The following FGF13 variants were observed in gnomAD, a reference collection of about 807,000 sequenced individuals.
FGF13 encodes fibroblast growth factor 13.
A neutral mutation model predicts 19.5 loss-of-function variants in FGF13; 2 were observed. That is an observed-to-expected ratio of 0.10 (90% CI 0.04 to 0.32). The LOEUF is 0.32. Ranked by LOEUF, FGF13 falls within the 10% of genes least tolerant of loss-of-function variation. FGF13 has a pLI of 1.00. For missense variants in FGF13, 113 were observed against 192.7 expected (o/e 0.59, Z 2.45); for synonymous variants, 72 against 76.9 (o/e 0.94, Z 0.33).
At chrX:138,782,102 TCAA>T (rs1367202241) in intron 3 of FGF13, among the ~76,000 whole-genome samples, 1 of 111,773 alleles carries the variant, frequency 8.9e-6, no homozygotes. Context: ...TTGACAAAAT[TCAA>T]CAACCCTTCA....
At chrX:138,874,917 A>G (rs2091379322) in intron 1 of FGF13, among the ~76,000 whole-genome samples, 1 of 111,855 alleles carries the variant, frequency 8.9e-6, no homozygotes, top group African/African-American at 3.2e-5. Flanking sequence ...CTCTGTACTT[A>G]GCTTCATATT....
At chrX:139,117,006 G>A (rs1332856032) in intron 1 of FGF13, among the ~76,000 whole-genome samples, 1 of 111,316 alleles carries the variant, frequency 9.0e-6, no homozygotes, top group African/African-American at 3.3e-5. Context: ...TACTACTGAA[G>A]GGAAGCATAT....
intron 1 of FGF13, among the ~76,000 whole-genome samples, chrX:138,968,833 GAC>G (rs2091904748): frequency 8.9e-6 from 1 of 111,902 alleles, no homozygotes; most frequent in Non-Finnish European, 1.9e-5. Context: ...CATATGTAAA[GAC>G]AAAAAAGTTG....
At position 138,947,446 on chromosome X, in the gene FGF13, C is replaced by T. The variant is rs1223973992; in HGVS notation, c.-112-82796G>A. ...TAGCCCCTCTGAATCTTAATTTTCT[C>T]ATATGAAAATGGGGGTGTAAATATT... On this transcript the variant is annotated intron_variant, in intron 1 of 2. Coordinates refer to the FGF13 transcript ENST00000421460. 2.7e-5 allele frequency among the ~76,000 whole-genome samples: 3 copies of T among 111,291 alleles called. No individual in the cohort carries two copies. The East Asian group carries it at 8.5e-4, about 32-fold the overall frequency.
intron 3 of FGF13, among the ~76,000 whole-genome samples, chrX:138,659,458 T>C (rs1402996470): frequency 1.8e-5 from 2 of 112,322 alleles, no homozygotes; most frequent in East Asian, 5.6e-4. Flanking sequence ...ACACTGTTGG[T>C]GGGTGTGTAA....
chrX:138,956,636 T>C (rs1392313389), intron 1 of FGF13, among the ~76,000 whole-genome samples: 2 of 111,333 alleles, frequency 1.8e-5, no homozygotes, highest in Non-Finnish European at 3.8e-5. Flanking sequence ...ACCTAGATCA[T>C]GAGCTTTCAA....
chrX:138,962,185 G>T (rs1240262060), intron 1 of FGF13, among the ~76,000 whole-genome samples: 2 of 111,996 alleles, frequency 1.8e-5, no homozygotes, highest in African/African-American at 6.5e-5. Flanking sequence ...GTGGGCGAAG[G>T]ATATGAACAG....
At chrX:138,857,542 C>T in exon 3 of FGF13, 1 of 1,206,688 alleles carries the variant, frequency 8.3e-7, no homozygotes, top group Admixed American at 2.2e-5. Flanking sequence ...TTGTGGTGTA[C>T]TTGCTTCAGC....
chrX:138,819,183 T>G (rs911409365), intron 3 of FGF13, among the ~76,000 whole-genome samples: 2 of 111,798 alleles, frequency 1.8e-5, no homozygotes, highest in East Asian at 5.6e-4. Context: ...TTACTTCTTA[T>G]GTAGCCTTTT....
intron 1 of FGF13, among the ~76,000 whole-genome samples, chrX:139,091,992 A>G (rs1000811461): frequency 3.6e-5 from 4 of 110,964 alleles, no homozygotes; most frequent in African/African-American, 1.3e-4. Context: ...TAAATGCTGG[A>G]AAGAGAAGAG....
chrX:139,070,536 T>C (rs1038992705), intron 1 of FGF13, among the ~76,000 whole-genome samples: 4 of 112,019 alleles, frequency 3.6e-5, no homozygotes, highest in Non-Finnish European at 7.5e-5. Context: ...GGTGGGAGTG[T>C]AAATTAGTTC....
At chrX:138,664,987 A>G (rs745439868) in intron 3 of FGF13, among the ~76,000 whole-genome samples, 12 of 111,219 alleles carry the variant, frequency 1.1e-4, no homozygotes, top group Non-Finnish European at 1.9e-4. Context: ...GCTCGGTCCA[A>G]TGAGCTCTCT....
chrX:139,029,188 C>T (rs900336874), intron 1 of FGF13, among the ~76,000 whole-genome samples: 2 of 111,547 alleles, frequency 1.8e-5, no homozygotes, highest in South Asian at 3.7e-4. Context: ...GTGATTATTT[C>T]GAATTGAAAA....
At chrX:138,967,865 G>A (rs2091901139) in intron 1 of FGF13, among the ~76,000 whole-genome samples, 1 of 111,279 alleles carries the variant, frequency 9.0e-6, no homozygotes, top group Non-Finnish European at 1.9e-5. Context: ...CACTCAATTA[G>A]TATGTTTGTA....
intron 3 of FGF13, among the ~76,000 whole-genome samples, chrX:138,644,087 C>T (rs2089280252): frequency 9.0e-6 from 1 of 111,376 alleles, no homozygotes; most frequent in Non-Finnish European, 1.9e-5. Flanking sequence ...TTTTAAATAG[C>T]TGTTGCAAGC....
chrX:138,923,765 C>T (rs2091658459), intron 1 of FGF13, among the ~76,000 whole-genome samples: 1 of 111,928 alleles, frequency 8.9e-6, no homozygotes, highest in South Asian at 3.7e-4. Flanking sequence ...TTCTTCTTTC[C>T]TGTCTCTGGG....
At chrX:138,931,876 T>C (rs1040470364) in intron 1 of FGF13, among the ~76,000 whole-genome samples, 3 of 111,599 alleles carry the variant, frequency 2.7e-5, no homozygotes, top group African/African-American at 3.3e-5. Flanking sequence ...CAAATAAGTA[T>C]ATAAATAAGA....
At chrX:139,079,565 A>C (rs1302560119) in intron 1 of FGF13, among the ~76,000 whole-genome samples, 1 of 110,839 alleles carries the variant, frequency 9.0e-6, no homozygotes, top group African/African-American at 3.3e-5. Context: ...GAGCACAAAA[A>C]TGATGAAGAA....
intron 1 of FGF13, among the ~76,000 whole-genome samples, chrX:139,124,326 A>G (rs1247343936): frequency 8.9e-6 from 1 of 112,429 alleles, no homozygotes; most frequent in Non-Finnish European, 1.9e-5. Context: ...CATTGTATGA[A>G]TGAACGTAGA....
Sources: allele counts gnomAD v4.1 joint callset (sites outside exome capture counted in the v4.1 genomes callset), GRCh38; gene constraint gnomAD v4.1.1; transcripts MANE v1.5; gene names NCBI Gene and HGNC (gene_info 2026-07-23, HGNC 2026-07-21).